TBX15: variants seen among roughly 807,000 people sequenced by gnomAD.
The protein encoded by TBX15 is T-box transcription factor TBX15.
In TBX15, 18 loss-of-function variants were observed where a neutral mutation model predicts 53.9. The ratio of observed to expected loss-of-function variants is 0.33; its 90% CI spans 0.23 to 0.49. The LOEUF is 0.49. Ranked by LOEUF, TBX15 falls within the 20% of genes least tolerant of loss-of-function variation. The probability of loss-of-function intolerance (pLI) is 0.98; values close to 1 mark genes in which losing one functional copy is unlikely to be tolerated. For missense variants in TBX15, 692 were observed against 749.5 expected (o/e 0.92, Z 0.90); for synonymous variants, 295 against 278.0 (o/e 1.06, Z -0.61).
intron 7 of TBX15, 93 bp downstream of exon 7, chr1:118,898,935 T>G: frequency 7.9e-7 from 1 of 1,269,572 alleles, no homozygotes; most frequent in South Asian, 1.2e-5. Flanking sequence ...ATAACCCATA[T>G]CTTGGCCTGA....
chr1:118,968,801 C>T (rs561878495), intron 1 of TBX15, among the ~76,000 whole-genome samples: 1 of 152,168 alleles, frequency 6.6e-6, no homozygotes, highest in African/African-American at 2.4e-5. Context: ...TACAGTGAGC[C>T]CCAGAGCCAG....
Position 118,914,133 on chromosome 1 carries a change from C to G in TBX15, c.908G>C (p.Arg303Thr). 1 of 1,613,846 alleles carries G rather than the reference C, an allele frequency of 6.2e-7. No individual in the cohort carries two copies. Among genetic ancestry groups the G allele is most frequent in the Non-Finnish European group, 8.5e-7 (1 of 1,179,840 alleles). ...IDRNPFAKGF[R>T]DSGRNRTGLE... ...TTCTTACCTGTTTCTCCCAGAATCT[C>G]TGAATCCTTTAGCAAAAGGGTTTCG... The change falls in exon 6 of 8, where the codon AGA becomes ACA. Residue 303 changes from arginine (R) to threonine (T), a missense_variant. Arg to Thr is a moderately conservative substitution (Grantham distance 71). Around this residue, in one of 3 missense-constraint regions of TBX15, gnomAD observed 375 missense variants for 371.6 expected, o/e 1.01. Coordinates refer to ENST00000369429, the MANE Select transcript of TBX15 (RefSeq NM_001330677.2).
chr1:118,931,331 T>A (rs2101612732), intron 2 of TBX15, among the ~76,000 whole-genome samples: 1 of 152,352 alleles, frequency 6.6e-6, no homozygotes, highest in African/African-American at 2.4e-5. Context: ...AAATATATAT[T>A]TTGGCTGTTA....
chr1:118,943,060 C>G (rs566734880), intron 1 of TBX15, among the ~76,000 whole-genome samples: 4 of 152,142 alleles, frequency 2.6e-5, no homozygotes, highest in Admixed American at 2.6e-4. Context: ...GCTGCTTAAC[C>G]TTTCTGAGCC....
At chr1:118,930,156 T>C (rs1655732735) in intron 2 of TBX15, among the ~76,000 whole-genome samples, 1 of 152,246 alleles carries the variant, frequency 6.6e-6, no homozygotes, top group African/African-American at 2.4e-5. Context: ...GTTTTTGTCA[T>C]ATCTTATTGT....
intron 1 of TBX15, among the ~76,000 whole-genome samples, chr1:118,964,001 T>A (rs1305438553): frequency 1.3e-5 from 2 of 152,068 alleles, no homozygotes; most frequent in East Asian, 3.9e-4. Flanking sequence ...ACTACAGACA[T>A]ACATCCCATA....
chr1:118,933,178 CT>C (rs1655856809), intron 1 of TBX15, among the ~76,000 whole-genome samples: 1 of 152,130 alleles, frequency 6.6e-6, no homozygotes, highest in Non-Finnish European at 1.5e-5. Flanking sequence ...CCTTTTGTCA[CT>C]GACTTTTTTC....
At chr1:118,988,359 G>A (rs895233758), upstream of TBX15, 1 of 152,994 alleles carries the variant, frequency 6.5e-6, no homozygotes, top group Non-Finnish European at 1.5e-5. Context: ...GAAAAAGACT[G>A]AGGGGGAAAA....
intron 1 of TBX15, among the ~76,000 whole-genome samples, chr1:118,932,124 A>G (rs1273512356): frequency 1.3e-5 from 2 of 152,226 alleles, no homozygotes; most frequent in Admixed American, 1.3e-4. Flanking sequence ...CAATATAAAT[A>G]GTACTAATGT....
At chr1:118,962,879 G>A (rs1347475652) in intron 1 of TBX15, among the ~76,000 whole-genome samples, 1 of 152,180 alleles carries the variant, frequency 6.6e-6, no homozygotes, top group Non-Finnish European at 1.5e-5. Flanking sequence ...ATTACAAGTT[G>A]GTAGGAGAGA....
chr1:118,900,124 A>G (rs1485224807), intron 6 of TBX15, among the ~76,000 whole-genome samples: 2 of 152,168 alleles, frequency 1.3e-5, no homozygotes, highest in Non-Finnish European at 1.5e-5. Context: ...TTAAAAAAAA[A>G]ACTGCTTCAC....
intron 3 of TBX15, 95 bp from the exon 4 acceptor site, chr1:118,924,912 A>C: frequency 7.3e-7 from 1 of 1,363,768 alleles, no homozygotes; most frequent in South Asian, 1.2e-5. Flanking sequence ...AGGAGAGAAA[A>C]ACAAAGAGAT....
rs76417349 is a variant in TBX15, at chr1:118,949,809, G to A, written c.206-17977C>T. Among the ~76,000 whole-genome samples the A allele has an allele frequency of 4.4e-3, 677 of 152,188 alleles. 17 individuals are homozygous for A. The East Asian group carries it at 0.052, about 12-fold the overall frequency. Reference sequence around the variant, plus strand: ...GACCCCGAGAACTGGGAGAAAATGGGAGAAAAATACAAACAATTTGAACCC... The same window carrying A: ...GACCCCGAGAACTGGGAGAAAATGGAAGAAAAATACAAACAATTTGAACCC... On this transcript the variant is annotated intron_variant, in intron 1 of 7. Coordinates refer to ENST00000369429, the MANE Select transcript of TBX15 (RefSeq NM_001330677.2).
chr1:118,987,575 G>T lies in TBX15; in HGVS notation c.205+16C>A, dbSNP rs1194088054. ...CCTCTCCGCCCGCCTCCCGCGGTCG[G>T]CTGCGACGCACTCACCCGGGTGAGG... On this transcript the variant is annotated intron_variant, in intron 1 of 7. Transcript: ENST00000369429. The T allele has an allele frequency of 1.9e-6, 3 of 1,539,600 alleles. No homozygotes were observed. The highest frequency in any genetic ancestry group is 2.6e-6 in the Non-Finnish European group (3 of 1,143,488).
At chr1:118,896,514 G>T (rs1344541301) in intron 7 of TBX15, among the ~76,000 whole-genome samples, 1 of 152,066 alleles carries the variant, frequency 6.6e-6, no homozygotes, top group Non-Finnish European at 1.5e-5. Flanking sequence ...AACTGTCTAG[G>T]ACTGCTATGT....
At chr1:118,928,219 G>T (rs1050862768) in intron 2 of TBX15, among the ~76,000 whole-genome samples, 5 of 152,186 alleles carry the variant, frequency 3.3e-5, no homozygotes, top group Admixed American at 6.5e-5. Flanking sequence ...GCACAAGAAG[G>T]ATCACAGTCC....
rs1655783998 is a variant in TBX15, at chr1:118,931,655, T to A, written c.383A>T (p.Asp128Val). The change falls in exon 2 of 8, where the codon GAT becomes GTT. Residue 128 changes from aspartate to valine, a missense_variant. Asp to Val is a radical substitution (Grantham distance 152). Transcript: ENST00000369429. ...QCADLWKRFHDIGTEMIITKA... is the reference protein window; with the variant it reads ...QCADLWKRFHVIGTEMIITKA... The stretch of plus-strand genomic sequence containing the variant: ...GGTGATGATCATTTCAGTTCCAATA[T>A]CATGGAACCGCTTCCAGAGGTCAGC... The A allele has an allele frequency of 6.2e-7, 1 of 1,614,154 alleles. No individual in the cohort carries two copies. Among genetic ancestry groups the A allele is most frequent in the South Asian group, 1.1e-5 (1 of 91,078 alleles).
intron 1 of TBX15, among the ~76,000 whole-genome samples, chr1:118,974,174 G>C (rs760501735): frequency 6.6e-6 from 1 of 152,118 alleles, no homozygotes. Flanking sequence ...TCAAGAGTTT[G>C]GCTCTCTATG....
chr1:118,962,237 T>G (rs2101681303), intron 1 of TBX15, among the ~76,000 whole-genome samples: 1 of 152,340 alleles, frequency 6.6e-6, no homozygotes, highest in East Asian at 1.9e-4. Context: ...TATGTGAGCT[T>G]ACAATTTGTT....
Sources: allele counts gnomAD v4.1 joint callset (sites outside exome capture counted in the v4.1 genomes callset), GRCh38; gene constraint gnomAD v4.1.1; regional missense constraint gnomAD v4.1.1; transcripts MANE v1.5; gene names NCBI Gene and HGNC (gene_info 2026-07-23, HGNC 2026-07-21).